The following KCNQ3 variants were observed in gnomAD, a reference collection of about 807,000 sequenced individuals.
KCNQ3 encodes the protein potassium voltage-gated channel subfamily KQT member 3.
KCNQ3 carries 30 observed loss-of-function variants against 92.5 expected under a neutral mutation model. The ratio of observed to expected loss-of-function variants is 0.32; its 90% CI spans 0.24 to 0.44. KCNQ3 has a LOEUF of 0.44. Among genes scored for constraint, KCNQ3 ranks in the 20% least tolerant of loss-of-function variants. The probability of loss-of-function intolerance (pLI) is 1.00; values close to 1 mark genes in which losing one functional copy is unlikely to be tolerated. For missense variants in KCNQ3, 913 were observed against 1,140.3 expected (o/e 0.80, Z 2.87); for synonymous variants, 450 against 468.8 (o/e 0.96, Z 0.52).
chr8:132,342,404 G>A (rs529446871), intron 1 of KCNQ3, among the ~76,000 whole-genome samples: 6 of 151,776 alleles, frequency 4.0e-5, no homozygotes, highest in Admixed American at 1.3e-4. Context: ...TCTCAGGTGC[G>A]GTGCCAGAGT....
chr8:132,414,547 G>C (rs1820742610), intron 1 of KCNQ3, among the ~76,000 whole-genome samples: 1 of 152,242 alleles, frequency 6.6e-6, no homozygotes, highest in Admixed American at 6.5e-5. Context: ...TGGATGTGCA[G>C]TCAGCAATGG....
At chr8:132,332,655 A>G (rs1025167014) in intron 1 of KCNQ3, among the ~76,000 whole-genome samples, 1 of 152,198 alleles carries the variant, frequency 6.6e-6, no homozygotes, top group African/African-American at 2.4e-5. Flanking sequence ...CCACAACACA[A>G]TATCCCAATT....
chr8:132,201,456 G>A (rs1475343493), intron 1 of KCNQ3, among the ~76,000 whole-genome samples: 2 of 152,118 alleles, frequency 1.3e-5, no homozygotes, highest in Admixed American at 6.6e-5. Flanking sequence ...CTCTCCAGCT[G>A]TGAGTCTGTG....
intron 1 of KCNQ3, among the ~76,000 whole-genome samples, chr8:132,250,242 A>C (rs1815358717): frequency 1.3e-5 from 2 of 152,168 alleles, no homozygotes; most frequent in Admixed American, 1.3e-4. Flanking sequence ...AGGGGAAGAG[A>C]GTCTGACAGA....
At chr8:132,250,012 A>G (rs1815346851) in intron 1 of KCNQ3, among the ~76,000 whole-genome samples, 1 of 152,124 alleles carries the variant, frequency 6.6e-6, no homozygotes, top group Admixed American at 6.5e-5. Flanking sequence ...TGCACTGCAC[A>G]GCCCCAGTTC....
In KCNQ3 at chr8:132,126,153, T is replaced by C. The variant is rs1409996431; in HGVS notation, c.*3109A>G. On this transcript the variant is annotated 3_prime_UTR_variant, in exon 15 of 15. Transcript: ENST00000388996. ...GATAATATCACTCCTAGTTTGATGA[T>C]GGAATTAATTTGTCAATATTTCATG... is the stretch of plus-strand genomic sequence containing the variant. 2.6e-5 allele frequency: 4 copies of C among 152,246 alleles called. No individual in the cohort carries two copies. Among genetic ancestry groups the C allele is most frequent in the African/African-American group, 4.8e-5 (2 of 41,474 alleles). The allele number at this position is 152,246 out of a possible 1,614,324, so 9.4% of individuals were successfully genotyped here.
At position 132,281,560 on chromosome 8, in the gene KCNQ3, AT is replaced by A. The variant is rs1356543408; in HGVS notation, c.387-95380del. Among the ~76,000 whole-genome samples, 13 of 152,040 alleles carry A rather than the reference AT, an allele frequency of 8.6e-5. No individual in the cohort carries two copies. In the East Asian group the frequency reaches 2.3e-3, roughly 27 times the overall value. Reference sequence around the variant, plus strand: ...TGTATATGTGTGTGTATATATATATATATATGAAATGAATATGGACCTACTT... The same window carrying A: ...TGTATATGTGTGTGTATATATATATAATATGAAATGAATATGGACCTACTT... On this transcript the variant is annotated intron_variant, in intron 1 of 14. Coordinates refer to ENST00000388996, the MANE Select transcript of KCNQ3 (RefSeq NM_004519.4).
At chr8:132,387,271 A>G (rs1262720501) in intron 1 of KCNQ3, among the ~76,000 whole-genome samples, 5 of 152,232 alleles carry the variant, frequency 3.3e-5, no homozygotes, top group South Asian at 2.1e-4. Flanking sequence ...AAAGTTTCCA[A>G]TGGGAGTCAT....
chr8:132,471,398 G>A (rs1321476166), intron 1 of KCNQ3, among the ~76,000 whole-genome samples: 1 of 152,160 alleles, frequency 6.6e-6, no homozygotes, highest in Non-Finnish European at 1.5e-5. Flanking sequence ...AGTCAATACG[G>A]ATGGCCTGAG....
intron 1 of KCNQ3, among the ~76,000 whole-genome samples, chr8:132,346,394 T>C (rs1206309221): frequency 1.3e-5 from 2 of 152,116 alleles, no homozygotes; most frequent in African/African-American, 4.8e-5. Context: ...CTCTTTGAGG[T>C]GAGCTGGAGC....
At chr8:132,290,787 T>TA (rs1816815034) in intron 1 of KCNQ3, among the ~76,000 whole-genome samples, 1 of 152,012 alleles carries the variant, frequency 6.6e-6, no homozygotes, top group Non-Finnish European at 1.5e-5. Flanking sequence ...GCAATAACAA[T>TA]AAGGCAAGTG....
chr8:132,259,361 G>T (rs77108681), intron 1 of KCNQ3, among the ~76,000 whole-genome samples: 13,191 of 152,046 alleles, frequency 0.087, 646 homozygotes, highest in South Asian at 0.14. Flanking sequence ...TCAATCAATG[G>T]AATACATCAC....
At chr8:132,238,588 C>A (rs527509467) in intron 1 of KCNQ3, among the ~76,000 whole-genome samples, 1 of 152,196 alleles carries the variant, frequency 6.6e-6, no homozygotes, top group South Asian at 2.1e-4. Context: ...CCTTTTTGGT[C>A]CTTCCTGTGC....
At chr8:132,271,181 G>A (rs1816136530) in intron 1 of KCNQ3, among the ~76,000 whole-genome samples, 2 of 152,232 alleles carry the variant, frequency 1.3e-5, no homozygotes, top group Non-Finnish European at 2.9e-5. Flanking sequence ...GCATCGCAAG[G>A]CCTCAAGCAA....
chr8:132,244,260 A>C (rs1815086990), intron 1 of KCNQ3, among the ~76,000 whole-genome samples: 1 of 152,184 alleles, frequency 6.6e-6, no homozygotes, highest in South Asian at 2.1e-4. Flanking sequence ...TTTTTAAAAG[A>C]AAACTTTATA....
chr8:132,187,701 A>ATGGTGGTGATAGTGATGATG (rs1563795405), intron 1 of KCNQ3, among the ~76,000 whole-genome samples: 47 of 65,624 alleles, frequency 7.2e-4, no homozygotes, highest in African/African-American at 3.3e-3. Flanking sequence ...TTGTGATGAT[A>ATGGTGGTGATAGTGATGATG]GTGGTGGTGG....
At chr8:132,225,404 T>C (rs1814380249) in intron 1 of KCNQ3, among the ~76,000 whole-genome samples, 2 of 152,104 alleles carry the variant, frequency 1.3e-5, no homozygotes, top group African/African-American at 4.8e-5. Context: ...AGTATAGAGC[T>C]TGAAGTTCTT....
intron 12 of KCNQ3, among the ~76,000 whole-genome samples, chr8:132,134,750 AT>A (rs200392171): frequency 0.087 from 12,712 of 146,190 alleles, 803 homozygotes; most frequent in African/African-American, 0.15. Flanking sequence ...GCATCTTGTT[AT>A]TTTTTTTTTT....
At chr8:132,317,385 T>C (rs1389713086) in intron 1 of KCNQ3, among the ~76,000 whole-genome samples, 1 of 152,226 alleles carries the variant, frequency 6.6e-6, no homozygotes, top group African/African-American at 2.4e-5. Context: ...AAGATTTATT[T>C]GGATATAGTT....
Sources: allele counts gnomAD v4.1 joint callset (sites outside exome capture counted in the v4.1 genomes callset), GRCh38; gene constraint gnomAD v4.1.1; transcripts MANE v1.5; gene names NCBI Gene and HGNC (gene_info 2026-07-23, HGNC 2026-07-21).